The following PSG6 variants were observed in gnomAD, a reference collection of about 807,000 sequenced individuals.
PSG6 encodes pregnancy specific beta-1-glycoprotein 6.
PSG6 carries 51 observed loss-of-function variants against 43.3 expected under a neutral mutation model. The observed-to-expected ratio is 1.18, with a 90% CI of 0.94 to 1.49. The LOEUF is 1.49. PSG6 is among the 40% of genes most tolerant of loss of function. PSG6 has a pLI of 0.00. For synonymous variants in PSG6, 292 were observed against 197.6 expected, an observed-to-expected ratio of 1.48 and a Z score of -4.01; for missense variants, 770 against 522.2, an observed-to-expected ratio of 1.47 and a Z score of -4.62.
intron 2 of PSG6, among the ~76,000 whole-genome samples, chr19:42,914,361 G>A (rs181916692): frequency 2.0e-5 from 3 of 151,186 alleles, no homozygotes; most frequent in Admixed American, 2.0e-4. Flanking sequence ...GAAGGCCTAG[G>A]GTTGGAGGAA....
rs555901926 is a variant in PSG6 at position 42,917,763 on chromosome 19, A to T, written c.30T>A (p.Thr10=). Residue 10 remains threonine, a synonymous_variant, in exon 1 of 6, where the codon ACT becomes ACA. Transcript: ENST00000187910. The stretch of plus-strand genomic sequence containing the variant: ...GGAGCCCCTTCCAGGTGATGTGCTG[A>T]GTGCAGGGAGGGGCTGAGAGGGGTC... MGPLSAPPC[T]QHITWKGLLL... is the part of the protein sequence containing the mutation. 4.0e-5 allele frequency: 64 copies of T among 1,609,476 alleles called. 3 individuals are homozygous for T. In the South Asian group the frequency reaches 4.1e-4, roughly 10 times the overall value.
chr19:42,902,494 C>G (rs187811680), intron 5 of PSG6, 48 bp from the exon 6 acceptor site: 4 of 1,600,570 alleles, frequency 2.5e-6, no homozygotes, highest in Non-Finnish European at 3.4e-6. Flanking sequence ...TCACTACCTC[C>G]TTTACAGAGA....
At position 42,903,595 on chromosome 19, in the gene PSG6, T is replaced by G. The variant is rs371617304; in HGVS notation, c.1241-1149A>C. The G allele has an allele frequency of 1.9e-3, 2,664 of 1,396,434 alleles. 97 individuals are homozygous for G. In the South Asian group the frequency reaches 0.032, roughly 17 times the overall value. The allele number at this position is 1,396,434 out of a possible 1,614,324, so 86.5% of individuals were successfully genotyped here. A position where few individuals can be genotyped will look rare whatever the true frequency, so the allele number is the denominator to read the frequency against. On this transcript the variant is annotated intron_variant, in intron 5 of 5. Transcript: ENST00000187910. ...AGAAAAGATAAAATTACTCAAATCA[T>G]AAATGAAAATGGACTCTGAGCATGG...
At chr19:42,917,699 C>T (rs752542901) in intron 1 of PSG6, 30 bp downstream of exon 1, 3 of 1,606,778 alleles carry the variant, frequency 1.9e-6, no homozygotes, top group South Asian at 2.2e-5. Context: ...CTTCCTCCTC[C>T]TGTCCTCTCC....
rs180940017 is a variant in PSG6 at position 42,906,378 on chromosome 19, C to G, written c.1240+544G>C. Among the ~76,000 whole-genome samples the G allele has an allele frequency of 1.8e-4, 28 of 151,566 alleles. 2 individuals are homozygous for G. In the East Asian group the frequency reaches 3.3e-3, roughly 18 times the overall value. On this transcript the variant is annotated intron_variant, in intron 5 of 5. Coordinates refer to ENST00000187910, the MANE Select transcript of PSG6 (RefSeq NM_001031850.4). ...AGGCCACCAGGGCCCTTTCTCCACACATGTTGGTTCCACCCCAGGTGGAGT... is the reference window on the plus strand; with the variant it reads ...AGGCCACCAGGGCCCTTTCTCCACAGATGTTGGTTCCACCCCAGGTGGAGT...
At chr19:42,905,910 G>A (rs571999207) in intron 5 of PSG6, among the ~76,000 whole-genome samples, 25 of 151,576 alleles carry the variant, frequency 1.6e-4, no homozygotes, top group African/African-American at 6.1e-4. Flanking sequence ...GGTGTTAAGG[G>A]TTAGGGGGAG....
intron 2 of PSG6, among the ~76,000 whole-genome samples, chr19:42,913,968 C>T (rs1476928684): frequency 2.0e-5 from 3 of 151,774 alleles, no homozygotes; most frequent in Non-Finnish European, 4.4e-5. Context: ...CCTCCACCCT[C>T]CTGTTTGGCA....
chr19:42,917,020 C>T (rs1289428059), intron 1 of PSG6, among the ~76,000 whole-genome samples: 1 of 151,554 alleles, frequency 6.6e-6, no homozygotes, highest in Non-Finnish European at 1.5e-5. Flanking sequence ...GTGCCTGGAA[C>T]AGGATGCAGA....
At chr19:42,911,297 G>C (rs1177560267) in intron 2 of PSG6, among the ~76,000 whole-genome samples, 4 of 151,714 alleles carry the variant, frequency 2.6e-5, no homozygotes, top group African/African-American at 9.7e-5. Flanking sequence ...TCCTAGAGAT[G>C]GATGATGGAA....
chr19:42,913,427 G>A (rs1000372095), intron 2 of PSG6, among the ~76,000 whole-genome samples: 2 of 151,858 alleles, frequency 1.3e-5, no homozygotes, highest in South Asian at 4.2e-4. Context: ...TTATAGGCGT[G>A]AGCCACTGTG....
chr19:42,907,719 A>G lies in PSG6; in HGVS notation c.842T>C (p.Val281Ala), dbSNP rs1972143443. 2 of 1,610,666 alleles carry G rather than the reference A, an allele frequency of 1.2e-6. No homozygotes were observed. Residue 281 changes from valine to alanine, a missense_variant, in exon 4 of 6, where the codon GTC becomes GCC. Physicochemically the swap from Val to Ala is moderately conservative, Grantham distance 64. Coordinates refer to ENST00000187910, the MANE Select transcript of PSG6 (RefSeq NM_001031850.4). ...IWWLNGQSLP[V>A]SPRVKRPIEN... ...AATGGGTCGCTTTACCCTCGGACTG[A>G]CCGGGAGGCTCTGACCATTTAGCCA...
intron 2 of PSG6, among the ~76,000 whole-genome samples, chr19:42,912,684 T>C (rs10426405): frequency 0.9 from 136,362 of 151,778 alleles, 61,703 homozygotes; most frequent in African/African-American, 0.97. Flanking sequence ...ATGTGAAATG[T>C]CTTCTTCATT....
chr19:42,916,559 C>T lies in PSG6; in HGVS notation c.65-72G>A, dbSNP rs1972339153. 4.6e-6 allele frequency: 7 copies of T among 1,528,862 alleles called. No homozygotes were observed. In the East Asian group the frequency reaches 6.8e-5, roughly 15 times the overall value. 94.7% of individuals were successfully genotyped at this position (1,528,862 alleles called of 1,614,324 possible). On this transcript the variant is annotated intron_variant, in intron 1 of 5. Coordinates refer to ENST00000187910, the MANE Select transcript of PSG6 (RefSeq NM_001031850.4). ...GGGTGAAAAGATGGGGCCCTGTGTC[C>T]TGAGAAGGTCTCTTCAATCATCAGC...
At position 42,907,600 on chromosome 19, in the gene PSG6, T is replaced by G; in HGVS notation, c.961A>C (p.Asn321His). 6.2e-7 allele frequency: 1 copy of G among 1,611,030 alleles called. No individual in the cohort carries two copies. Among genetic ancestry groups the G allele is most frequent in the Non-Finnish European group, 8.5e-7 (1 of 1,178,968 alleles). ...CAGAGGACATTCAGGGTGACTGGGT[T>G]ACTGCGGATGCCACCATATCGGTCC... ...IRDRYGGIRS[N>H]PVTLNVLYGP... The change falls in exon 4 of 6, where the codon AAC (asparagine) becomes CAC (histidine). Residue 321 changes from asparagine (N) to histidine (H), a missense_variant. Coordinates refer to ENST00000187910, the MANE Select transcript of PSG6 (RefSeq NM_001031850.4).
rs1065513 is a variant in PSG6, at chr19:42,907,802, C to T, written c.759G>A (p.Lys253=). The T allele has an allele frequency of 8.7e-6, 14 of 1,611,424 alleles. No individual in the cohort carries two copies. The highest frequency in any genetic ancestry group is 2.2e-5 in the East Asian group (1 of 44,796). ...ITINNLNPRE[K]KDVLAFTCEP... ...CACAGGTGAAGGCTAACACATCCTTCTTCTCCCTGGGGTTTAAGTTGTTGA... is the reference window on the plus strand; with the variant it reads ...CACAGGTGAAGGCTAACACATCCTTTTTCTCCCTGGGGTTTAAGTTGTTGA... Residue 253 remains lysine (K), a synonymous_variant, in exon 4 of 6, where the codon AAG becomes AAA. Coordinates refer to ENST00000187910, the MANE Select transcript of PSG6 (RefSeq NM_001031850.4).
intron 2 of PSG6, among the ~76,000 whole-genome samples, chr19:42,914,358 T>C (rs1972282759): frequency 6.6e-6 from 1 of 150,706 alleles, no homozygotes; most frequent in African/African-American, 2.4e-5. Flanking sequence ...GGGGAAGGCC[T>C]AGGGTTGGAG....
chr19:42,915,044 G>A (rs1195124779), intron 2 of PSG6, among the ~76,000 whole-genome samples: 1 of 151,552 alleles, frequency 6.6e-6, no homozygotes, highest in African/African-American at 2.4e-5. Context: ...TAAGAAGAGA[G>A]GATTTGAGTC....
intron 5 of PSG6, chr19:42,906,629 G>A (rs1972116731): frequency 2.9e-6 from 4 of 1,376,264 alleles, no homozygotes; most frequent in Admixed American, 5.9e-5. Context: ...TTGATCTTGA[G>A]GACTCTCCTT....
chr19:42,905,421 A>T (rs1321065802), intron 5 of PSG6, among the ~76,000 whole-genome samples: 2 of 151,732 alleles, frequency 1.3e-5, no homozygotes, highest in South Asian at 4.2e-4. Context: ...AACACTAAAC[A>T]ACAGGTGTTT....
Sources: allele counts gnomAD v4.1 joint callset (sites outside exome capture counted in the v4.1 genomes callset), GRCh38; gene constraint gnomAD v4.1.1; transcripts MANE v1.5; gene names NCBI Gene and HGNC (gene_info 2026-07-23, HGNC 2026-07-21).